Variants in KIF27 observed in about 807,000 individuals in gnomAD.
The protein encoded by KIF27 is kinesin family member 27, also known as kinesin-like protein KIF27.
A neutral mutation model predicts 141.8 loss-of-function variants in KIF27; 84 were observed. That is an observed-to-expected ratio of 0.59 (90% CI 0.50 to 0.71). The LOEUF (loss-of-function observed/expected upper bound fraction) is 0.71. Ranked by LOEUF, KIF27 falls within the 30% of genes least tolerant of loss-of-function variation. The probability of loss-of-function intolerance (pLI) is 0.00; values close to 1 mark genes in which losing one functional copy is unlikely to be tolerated. For missense variants in KIF27, 1,306 were observed against 1,628.4 expected (o/e 0.80, Z 3.41); for synonymous variants, 471 against 569.5 (o/e 0.83, Z 2.46).
At chr9:83,888,190 T>A (rs1424318230) in intron 8 of KIF27, among the ~76,000 whole-genome samples, 1 of 146,578 alleles carries the variant, frequency 6.8e-6, no homozygotes, top group Non-Finnish European at 1.5e-5. Flanking sequence ...TACTGTATTT[T>A]AACATCATCA....
At position 83,848,063 on chromosome 9, in the gene KIF27, TATATATG is replaced by T. The variant is rs1424775607; in HGVS notation, c.3556+2029_3556+2035del. 3.0e-3 allele frequency among the ~76,000 whole-genome samples: 31 copies of T among 10,402 alleles called. 8 individuals are homozygous for T. In the South Asian group the frequency reaches 0.12, roughly 41 times the overall value. 6.8% of individuals were successfully genotyped at this position (10,402 alleles called of 152,430 possible). On this transcript the variant is annotated intron_variant, in intron 16 of 17. Coordinates refer to ENST00000297814, the MANE Select transcript of KIF27 (RefSeq NM_017576.4). ...TATATCTACATATATCTATATATCA[TATATATG>T]ATATATGATATATCATATATATGAT...
intron 11 of KIF27, among the ~76,000 whole-genome samples, chr9:83,876,087 T>C (rs1473535670): frequency 1.3e-5 from 2 of 152,128 alleles, no homozygotes; most frequent in Non-Finnish European, 2.9e-5. Flanking sequence ...TAAATCTCAA[T>C]AAATGTTAAC....
chr9:83,880,157 T>A, intron 11 of KIF27, 140 bp downstream of exon 11: 1 of 1,286,596 alleles, frequency 7.8e-7, no homozygotes, highest in South Asian at 1.4e-5. Flanking sequence ...AACAAAGCTT[T>A]AAAGTGAATA....
chr9:83,871,330 A>T (rs149347870), intron 11 of KIF27, among the ~76,000 whole-genome samples: 138 of 152,336 alleles, frequency 9.1e-4, no homozygotes, highest in African/African-American at 3.1e-3. Context: ...CATATCTAAG[A>T]AGAAAGGAAT....
intron 16 of KIF27, chr9:83,848,707 C>T (rs1163940172): frequency 6.6e-6 from 1 of 151,666 alleles, no homozygotes; most frequent in African/African-American, 2.4e-5. Flanking sequence ...TCAAGTAAGC[C>T]TCCCACCACA....
Position 83,868,975 on chromosome 9 carries a change from C to T in KIF27, c.2758-1115G>A, listed in dbSNP as rs150850315. Among the ~76,000 whole-genome samples, 952 of 151,838 alleles carry T rather than the reference C, an allele frequency of 6.3e-3. 8 individuals carry two copies. The highest frequency in any genetic ancestry group is 0.021 in the African/African-American group (859 of 41,364). ...AATTTTGTCATATCCTTAAATACTC[C>T]GGTAGGAGATCCTAGGAAGTCTAGC... On this transcript the variant is annotated intron_variant, in intron 12 of 17. Coordinates refer to ENST00000297814, the MANE Select transcript of KIF27 (RefSeq NM_017576.4).
intron 14 of KIF27, among the ~76,000 whole-genome samples, chr9:83,854,198 A>C (rs1481866312): frequency 2.0e-5 from 3 of 152,248 alleles, no homozygotes; most frequent in African/African-American, 7.2e-5. Context: ...CTAAGCCCAC[A>C]GGATTAGCAG....
chr9:83,836,547 G>C lies in KIF27; in HGVS notation c.*454C>G. ...GAGGTTGTCTTAGCCCACATATGCA[G>C]CAGGTGACTCCCTCTGACAAAAGCA... is the stretch of plus-strand genomic sequence containing the variant. On this transcript the variant is annotated 3_prime_UTR_variant, in exon 18 of 18. Transcript: ENST00000297814. Among the ~76,000 whole-genome samples, 1 of 151,912 alleles carries C rather than the reference G, an allele frequency of 6.6e-6. No homozygotes were observed. Among genetic ancestry groups the C allele is most frequent in the Middle Eastern group, 3.2e-3 (1 of 316 alleles).
chr9:83,890,361 C>T (rs1952555716), intron 6 of KIF27, among the ~76,000 whole-genome samples: 1 of 152,056 alleles, frequency 6.6e-6, no homozygotes. Flanking sequence ...GAAGAACCAA[C>T]TCAAGAAGTA....
At chr9:83,889,392 T>A (rs1176280930) in intron 6 of KIF27, 139 bp from the exon 7 acceptor site, 3 of 626,288 alleles carry the variant, frequency 4.8e-6, no homozygotes, top group African/African-American at 1.8e-5. Context: ...AATGCTCCCC[T>A]CAAACAAAGG....
At chr9:83,911,318 C>T (rs572464772) in intron 2 of KIF27, among the ~76,000 whole-genome samples, 16 of 152,206 alleles carry the variant, frequency 1.1e-4, no homozygotes, top group Non-Finnish European at 2.4e-4. Context: ...GCAACCTCCA[C>T]CTCCTGGGTT....
intron 16 of KIF27, among the ~76,000 whole-genome samples, chr9:83,846,286 T>G (rs1187257855): frequency 1.3e-5 from 2 of 152,170 alleles, no homozygotes; most frequent in African/African-American, 4.8e-5. Flanking sequence ...GGATGTGGGT[T>G]TGCCTATCCT....
chr9:83,847,283 A>T (rs537419755), intron 16 of KIF27, among the ~76,000 whole-genome samples: 16 of 152,310 alleles, frequency 1.1e-4, no homozygotes, highest in Non-Finnish European at 2.2e-4. Context: ...TTTGTTAAAA[A>T]CATGTTTGTG....
rs1271158180 is a variant in KIF27, at chr9:83,836,153, T to C, written c.*848A>G. On this transcript the variant is annotated 3_prime_UTR_variant, in exon 18 of 18. Transcript: ENST00000297814. Reference sequence around the variant, plus strand: ...TATCAGACTTAAGCCCATCAAATCATTAAAGATGCTTTGGCAAGACTTCAA... The same window carrying C: ...TATCAGACTTAAGCCCATCAAATCACTAAAGATGCTTTGGCAAGACTTCAA... Among the ~76,000 whole-genome samples the C allele has an allele frequency of 6.6e-6, 1 of 152,154 alleles. No homozygotes were observed. Among genetic ancestry groups the C allele is most frequent in the Non-Finnish European group, 1.5e-5 (1 of 68,030 alleles).
At chr9:83,908,712 C>T in intron 2 of KIF27, 60 bp from the exon 3 acceptor site, 1 of 1,015,468 alleles carries the variant, frequency 9.8e-7, no homozygotes, top group Non-Finnish European at 1.4e-6. Flanking sequence ...AGCTACAACC[C>T]CAAATTTATA....
chr9:83,910,351 TC>T (rs1955020420), intron 2 of KIF27, among the ~76,000 whole-genome samples: 1 of 152,182 alleles, frequency 6.6e-6, no homozygotes, highest in Admixed American at 6.6e-5. Flanking sequence ...TATTTCACAG[TC>T]CTTTGCACTA....
At chr9:83,913,907 T>G (rs1955440099) in intron 2 of KIF27, among the ~76,000 whole-genome samples, 1 of 152,194 alleles carries the variant, frequency 6.6e-6, no homozygotes, top group Admixed American at 6.5e-5. Context: ...TATGCAACAC[T>G]TGCAATCCTT....
rs1224791113 is a variant in KIF27, at chr9:83,835,187, AATAT to A, written c.*1810_*1813del. Among the ~76,000 whole-genome samples the A allele has an allele frequency of 6.7e-6, 1 of 149,974 alleles. No individual in the cohort carries two copies. The highest frequency in any genetic ancestry group is 2.1e-4 in the South Asian group (1 of 4,806). ...AGTGTATATACATATATATATATGA[AATAT>A]ATATAATAATGGCAAAAGGTCAGTG... On this transcript the variant is annotated 3_prime_UTR_variant, in exon 18 of 18. Coordinates refer to ENST00000297814, the MANE Select transcript of KIF27 (RefSeq NM_017576.4).
At chr9:83,906,045 C>T (rs1243158263) in intron 3 of KIF27, among the ~76,000 whole-genome samples, 1 of 152,130 alleles carries the variant, frequency 6.6e-6, no homozygotes, top group Non-Finnish European at 1.5e-5. Context: ...AGTGTATATA[C>T]TTCTATCCTG....
Sources: allele counts gnomAD v4.1 joint callset (sites outside exome capture counted in the v4.1 genomes callset), GRCh38; gene constraint gnomAD v4.1.1; transcripts MANE v1.5; gene names NCBI Gene and HGNC (gene_info 2026-07-23, HGNC 2026-07-21).